The following ADAMTSL1 variants were observed in gnomAD, a reference collection of about 807,000 sequenced individuals.
ADAMTSL1 encodes ADAMTS-like protein 1.
A neutral mutation model predicts 201.8 loss-of-function variants in ADAMTSL1; 126 were observed. The observed-to-expected ratio is 0.62, with a 90% CI of 0.54 to 0.72. ADAMTSL1 has a LOEUF of 0.72. Among genes scored for constraint, ADAMTSL1 ranks in the 30% least tolerant of loss-of-function variants. ADAMTSL1 has a pLI of 0.00. For missense variants in ADAMTSL1, 2,679 were observed against 2,277.8 expected (o/e 1.18, Z -3.59); for synonymous variants, 1,121 against 903.4 (o/e 1.24, Z -4.32).
At chr9:18,715,019 G>A (rs528456555) in intron 14 of ADAMTSL1, among the ~76,000 whole-genome samples, 1 of 62,684 alleles carries the variant, frequency 1.6e-5, no homozygotes, top group East Asian at 5.1e-4. Context: ...CTCAATAGAT[G>A]CAGAAAAGGC....
chr9:18,180,897 TA>T (rs1645416856), intron 2 of ADAMTSL1, among the ~76,000 whole-genome samples: 1 of 152,184 alleles, frequency 6.6e-6, no homozygotes, highest in African/African-American at 2.4e-5. Context: ...ACTACAAGGC[TA>T]CAGTAACCAA....
At chr9:18,572,429 C>G (rs779002006) in intron 3 of ADAMTSL1, among the ~76,000 whole-genome samples, 2 of 152,120 alleles carry the variant, frequency 1.3e-5, no homozygotes, top group African/African-American at 2.4e-5. Flanking sequence ...TATTCATACT[C>G]TTTTCAGACA....
rs373883480 is a variant in ADAMTSL1 at position 18,429,820 on chromosome 9, C to T, written c.208-75009C>T. Among the ~76,000 whole-genome samples the T allele has an allele frequency of 1.4e-3, 211 of 152,024 alleles. 1 individual carries two copies. The highest frequency in any genetic ancestry group is 4.9e-3 in the African/African-American group (203 of 41,468). The stretch of plus-strand genomic sequence containing the variant: ...TTTTTGTTTTTTTGAGATGGAGTCT[C>T]GCTCTGTCTCTCAGGCTGGAGTGCA... On this transcript the variant is annotated intron_variant, in intron 2 of 29. Transcript: ENST00000680146.
intron 2 of ADAMTSL1, among the ~76,000 whole-genome samples, chr9:18,332,140 A>G (rs1328733426): frequency 6.6e-6 from 1 of 152,106 alleles, no homozygotes; most frequent in African/African-American, 2.4e-5. Context: ...CACAAGCCCA[A>G]AGTCAATATA....
At chr9:18,282,463 T>A (rs1336346886) in intron 2 of ADAMTSL1, among the ~76,000 whole-genome samples, 1 of 152,250 alleles carries the variant, frequency 6.6e-6, no homozygotes. Context: ...TGTGGGAATT[T>A]CTCAGATTAA....
intron 2 of ADAMTSL1, among the ~76,000 whole-genome samples, chr9:18,379,183 C>A (rs1837438857): frequency 6.6e-6 from 1 of 152,088 alleles, no homozygotes; most frequent in African/African-American, 2.4e-5. Context: ...TGCACTAGGC[C>A]CCAACAGACC....
chr9:18,382,392 A>C (rs1837594552), intron 2 of ADAMTSL1, among the ~76,000 whole-genome samples: 2 of 152,072 alleles, frequency 1.3e-5, no homozygotes, highest in South Asian at 4.1e-4. Flanking sequence ...TGGAAATTTT[A>C]ATTTTTCCAG....
intron 1 of ADAMTSL1, among the ~76,000 whole-genome samples, chr9:18,059,266 A>T (rs556958712): frequency 6.6e-6 from 1 of 152,296 alleles, no homozygotes; most frequent in African/African-American, 2.4e-5. Flanking sequence ...GTTTCATGTC[A>T]CCTTTGCATT....
At chr9:18,627,567 A>T (rs567620862) in intron 5 of ADAMTSL1, among the ~76,000 whole-genome samples, 10 of 152,136 alleles carry the variant, frequency 6.6e-5, no homozygotes, top group Admixed American at 2.6e-4. Flanking sequence ...CTCTTTCTTC[A>T]ATTTTGATTT....
intron 2 of ADAMTSL1, among the ~76,000 whole-genome samples, chr9:18,227,455 C>T (rs1252852844): frequency 6.6e-6 from 1 of 152,168 alleles, no homozygotes; most frequent in East Asian, 1.9e-4. Flanking sequence ...AGATTATAAA[C>T]TCACGGCAAG....
At chr9:18,514,182 A>C (rs915713480) in intron 2 of ADAMTSL1, among the ~76,000 whole-genome samples, 5 of 152,020 alleles carry the variant, frequency 3.3e-5, no homozygotes, top group Admixed American at 2.0e-4. Flanking sequence ...ATGTTTTGTG[A>C]TTGTCAGTGT....
rs1830104685 is a variant in ADAMTSL1 at position 18,675,897 on chromosome 9, C to T, written c.1126C>T (p.Pro376Ser). 1 of 1,612,970 alleles carries T rather than the reference C, an allele frequency of 6.2e-7. No individual in the cohort carries two copies. The highest frequency in any genetic ancestry group is 2.2e-5 in the East Asian group (1 of 44,836). The change falls in exon 10 of 29, where the codon CCC (proline) becomes TCC (serine). Residue 376 changes from proline to serine, a missense_variant. By Grantham distance (74) the Pro-to-Ser change is moderately conservative (BLOSUM62 -1). Transcript: ENST00000380548. ...GATCATGCCTTATGACCTCTACCAT[C>T]CCCTTCCTCGGTACGTAAATCAATC... ...KQIMPYDLYH[P>S]LPRWEATPWT...
chr9:18,262,733 A>G (rs1831971448), intron 2 of ADAMTSL1, among the ~76,000 whole-genome samples: 1 of 152,230 alleles, frequency 6.6e-6, no homozygotes, highest in African/African-American at 2.4e-5. Flanking sequence ...GAATTCCAGA[A>G]AAGTTCATCG....
At chr9:18,700,207 C>T (rs950644853) in intron 13 of ADAMTSL1, among the ~76,000 whole-genome samples, 1 of 152,174 alleles carries the variant, frequency 6.6e-6, no homozygotes, top group African/African-American at 2.4e-5. Flanking sequence ...ATAGATTTTA[C>T]AAGTAATTTT....
intron 23 of ADAMTSL1, among the ~76,000 whole-genome samples, chr9:18,857,809 C>A (rs1488138114): frequency 6.6e-6 from 1 of 152,174 alleles, no homozygotes; most frequent in East Asian, 1.9e-4. Flanking sequence ...ATCCTAACTT[C>A]TTTTATTTTA....
At position 17,983,064 on chromosome 9, in the gene ADAMTSL1, C is replaced by CTTTTTTTTTTTTTTTT. The variant is rs202085722; in HGVS notation, c.87+76145_87+76146insTTTTTTTTTTTTTTTT. On this transcript the variant is annotated intron_variant, in intron 1 of 29. Transcript: ENST00000680146. ...TTTTCATTTTCTTTTTCTTTTCTTT[C>CTTTTTTTTTTTTTTTT]TTTCTTTCTTTCTTTTTTTTTTTTG... 2.9e-3 allele frequency among the ~76,000 whole-genome samples: 254 copies of CTTTTTTTTTTTTTTTT among 88,530 alleles called. 11 individuals are homozygous for CTTTTTTTTTTTTTTTT. Among genetic ancestry groups the CTTTTTTTTTTTTTTTT allele is most frequent in the Non-Finnish European group, 3.6e-3 (166 of 46,488 alleles). 58.1% of individuals were successfully genotyped at this position (88,530 alleles called of 152,430 possible).
chr9:18,525,022 GCTC>G (rs1818946589), intron 2 of ADAMTSL1, among the ~76,000 whole-genome samples: 1 of 152,220 alleles, frequency 6.6e-6, no homozygotes. Flanking sequence ...AATGGTACCA[GCTC>G]CTCCTTGTAC....
At chr9:18,146,521 C>CT (rs1232983634) in intron 1 of ADAMTSL1, among the ~76,000 whole-genome samples, 1 of 152,054 alleles carries the variant, frequency 6.6e-6, no homozygotes, top group Non-Finnish European at 1.5e-5. Context: ...AAAGGCAAAA[C>CT]TGGATAGATC....
At chr9:18,264,978 TAGA>T (rs1430210305) in intron 2 of ADAMTSL1, among the ~76,000 whole-genome samples, 1 of 152,172 alleles carries the variant, frequency 6.6e-6, no homozygotes, top group Non-Finnish European at 1.5e-5. Flanking sequence ...ACAAAGTTGT[TAGA>T]AGGATTAAAT....
Sources: allele counts gnomAD v4.1 joint callset (sites outside exome capture counted in the v4.1 genomes callset), GRCh38; gene constraint gnomAD v4.1.1; transcripts MANE v1.5; gene names NCBI Gene and HGNC (gene_info 2026-07-23, HGNC 2026-07-21).